The following PRKD1 variants were observed in gnomAD, a reference collection of about 807,000 sequenced individuals.
PRKD1 encodes protein kinase D1, also known as serine/threonine-protein kinase D1.
Under a neutral mutation model 95.9 loss-of-function variants are expected in PRKD1, and 63 were observed. That is an observed-to-expected ratio of 0.66 (90% CI 0.54 to 0.81). PRKD1 has a LOEUF of 0.81. Ranked by LOEUF, PRKD1 falls within the 30% of genes least tolerant of loss-of-function variation. PRKD1 has a pLI of 0.00. For synonymous variants in PRKD1, 425 were observed against 423.1 expected, an observed-to-expected ratio of 1.00 and a Z score of -0.05; for missense variants, 1,048 against 1,165.3, an observed-to-expected ratio of 0.90 and a Z score of 1.47.
chr14:29,808,431 C>CTTTTT (rs1566612806), intron 1 of PRKD1, among the ~76,000 whole-genome samples: 18 of 65,750 alleles, frequency 2.7e-4, no homozygotes, highest in South Asian at 5.5e-4. Context: ...GGGAGTTTTG[C>CTTTTT]TCTTGTCGCC....
At position 29,927,476 on chromosome 14, in the gene PRKD1, G is replaced by C; in HGVS notation, c.37C>G (p.Leu13Val). ...GCAGCTGCCGCCGCCACGGGCAGCAGCGGACTGGGCGGCCGCAGGACCGGA... is the reference window on the plus strand; with the variant it reads ...GCAGCTGCCGCCGCCACGGGCAGCACCGGACTGGGCGGCCGCAGGACCGGA... ...APPVLRPPSP[L>V]LPVAAAAAAA... Residue 13 changes from leucine to valine, a missense_variant, in exon 1 of 18, where the codon CTG (leucine) becomes GTG (valine). Leu to Val is a conservative substitution (Grantham distance 32, BLOSUM62 1). Transcript: ENST00000331968. 2 of 1,254,674 alleles carry C rather than the reference G, an allele frequency of 1.6e-6. No individual in the cohort carries two copies. The highest frequency in any genetic ancestry group is 3.4e-5 in the East Asian group (1 of 29,532). 77.7% of individuals were successfully genotyped at this position (1,254,674 alleles called of 1,614,324 possible). A position where few individuals can be genotyped will look rare whatever the true frequency, so the allele number is the denominator to read the frequency against.
chr14:29,921,573 T>A (rs981655101), intron 1 of PRKD1, among the ~76,000 whole-genome samples: 4 of 152,166 alleles, frequency 2.6e-5, no homozygotes, highest in African/African-American at 9.7e-5. Flanking sequence ...ATTCATTGAC[T>A]TACAAATGTT....
At chr14:29,608,662 C>T (rs1176238115) in intron 13 of PRKD1, among the ~76,000 whole-genome samples, 1 of 152,008 alleles carries the variant, frequency 6.6e-6, no homozygotes, top group African/African-American at 2.4e-5. Flanking sequence ...CATGGGGTAC[C>T]TTGCTGTGTT....
At chr14:29,805,817 C>T (rs887132522) in intron 1 of PRKD1, among the ~76,000 whole-genome samples, 7 of 152,160 alleles carry the variant, frequency 4.6e-5, no homozygotes, top group Non-Finnish European at 7.3e-5. Flanking sequence ...TCATTATCAA[C>T]AGAAAGTGTG....
At chr14:29,614,247 T>C (rs779673753) in intron 13 of PRKD1, among the ~76,000 whole-genome samples, 1 of 152,206 alleles carries the variant, frequency 6.6e-6, no homozygotes, top group Non-Finnish European at 1.5e-5. Flanking sequence ...CCCCATTGAA[T>C]TGGAAATCAA....
intron 4 of PRKD1, among the ~76,000 whole-genome samples, chr14:29,642,719 T>C (rs1191901875): frequency 1.3e-5 from 2 of 152,206 alleles, no homozygotes; most frequent in African/African-American, 2.4e-5. Context: ...TGCACAGTAC[T>C]TTAGAGTTTT....
At chr14:29,577,693 T>A (rs994322294) in intron 17 of PRKD1, among the ~76,000 whole-genome samples, 1 of 152,196 alleles carries the variant, frequency 6.6e-6, no homozygotes, top group African/African-American at 2.4e-5. Flanking sequence ...GGGCAATTAA[T>A]GTTTGCAGTC....
At chr14:29,706,871 A>T (rs1885118082) in intron 2 of PRKD1, among the ~76,000 whole-genome samples, 1 of 152,160 alleles carries the variant, frequency 6.6e-6, no homozygotes. Flanking sequence ...TTCAGGTGAG[A>T]TTCTTAGGGA....
chr14:29,822,576 C>T (rs1347638087), intron 1 of PRKD1, among the ~76,000 whole-genome samples: 1 of 152,172 alleles, frequency 6.6e-6, no homozygotes, highest in African/African-American at 2.4e-5. Context: ...AATAAAATCT[C>T]ATGCTGAGAA....
At chr14:29,922,384 G>C (rs769736585) in intron 1 of PRKD1, among the ~76,000 whole-genome samples, 12 of 151,432 alleles carry the variant, frequency 7.9e-5, no homozygotes, top group Non-Finnish European at 1.6e-4. Context: ...TATGTGATGA[G>C]GCCTCATTTT....
At chr14:29,827,091 G>A (rs1231334176) in intron 1 of PRKD1, among the ~76,000 whole-genome samples, 1 of 151,104 alleles carries the variant, frequency 6.6e-6, no homozygotes, top group Non-Finnish European at 1.5e-5. Context: ...GGCGGGAAAG[G>A]AGTGAGGGAT....
intron 2 of PRKD1, among the ~76,000 whole-genome samples, chr14:29,668,544 G>C (rs1395829097): frequency 6.6e-6 from 1 of 152,166 alleles, no homozygotes; most frequent in Non-Finnish European, 1.5e-5. Context: ...CTTAGTCATT[G>C]AGCATTTGAA....
At chr14:29,618,214 TG>T (rs1386733899) in intron 13 of PRKD1, among the ~76,000 whole-genome samples, 1 of 151,964 alleles carries the variant, frequency 6.6e-6, no homozygotes, top group Non-Finnish European at 1.5e-5. Context: ...ACAATATACA[TG>T]GGATGATGGA....
chr14:29,677,632 G>A (rs1883307913), intron 2 of PRKD1, among the ~76,000 whole-genome samples: 1 of 152,204 alleles, frequency 6.6e-6, no homozygotes. Context: ...CTGGAGTGCA[G>A]TGGCACAATC....
At chr14:29,584,755 A>T (rs909060934) in intron 16 of PRKD1, among the ~76,000 whole-genome samples, 4 of 152,156 alleles carry the variant, frequency 2.6e-5, no homozygotes, top group Non-Finnish European at 5.9e-5. Flanking sequence ...GGGCATCACA[A>T]CTCTACAAAA....
chr14:29,655,634 T>G (rs1217278620), intron 4 of PRKD1, among the ~76,000 whole-genome samples: 1 of 152,286 alleles, frequency 6.6e-6, no homozygotes, highest in South Asian at 2.1e-4. Flanking sequence ...ATACTTGACC[T>G]AAATACTTCT....
At chr14:29,738,627 C>T (rs889866611) in intron 1 of PRKD1, among the ~76,000 whole-genome samples, 1 of 152,110 alleles carries the variant, frequency 6.6e-6, no homozygotes, top group African/African-American at 2.4e-5. Flanking sequence ...GAGCCACGGG[C>T]ATGCTGTTCA....
intron 1 of PRKD1, among the ~76,000 whole-genome samples, chr14:29,788,518 G>A (rs1889376065): frequency 6.6e-6 from 1 of 152,052 alleles, no homozygotes; most frequent in Non-Finnish European, 1.5e-5. Flanking sequence ...CTATGCATTT[G>A]GCCATATCTT....
In PRKD1 at chr14:29,676,189, T is replaced by G. The variant is rs558905123; in HGVS notation, c.404-9981A>C. ...CATAGTTCATTACGTTTTTGTTTTT[T>G]TTTTTTTTTTTTTTGCTGAGTTGTA... On this transcript the variant is annotated intron_variant, in intron 2 of 17. Transcript: ENST00000331968. Among the ~76,000 whole-genome samples, 165 of 122,578 alleles carry G rather than the reference T, an allele frequency of 1.3e-3. 2 individuals are homozygous for G. The highest frequency in any genetic ancestry group is 3.6e-3 in the South Asian group (13 of 3,572). 80.4% of individuals were successfully genotyped at this position (122,578 alleles called of 152,430 possible).
Sources: allele counts gnomAD v4.1 joint callset (sites outside exome capture counted in the v4.1 genomes callset), GRCh38; gene constraint gnomAD v4.1.1; transcripts MANE v1.5; gene names NCBI Gene and HGNC (gene_info 2026-07-23, HGNC 2026-07-21).